The following DNAH11 variants were observed in gnomAD, a reference collection of about 807,000 sequenced individuals.
DNAH11 encodes the protein dynein axonemal heavy chain 11, also known as axonemal beta dynein heavy chain 11.
A neutral mutation model predicts 526.0 loss-of-function variants in DNAH11; 442 were observed. That is an observed-to-expected ratio of 0.84 (90% CI 0.78 to 0.91). The LOEUF (loss-of-function observed/expected upper bound fraction) is 0.91, where lower values mean the gene tolerates loss of function less well. DNAH11 is among the 40% of genes least tolerant of loss of function. DNAH11 has a pLI of 0.00. For synonymous variants in DNAH11, 2,461 were observed against 1,935.9 expected (o/e 1.27, Z -7.12); for missense variants, 6,989 against 5,448.7 (o/e 1.28, Z -8.90).
chr7:21,785,653 C>T (rs1040535715), intron 58 of DNAH11, among the ~76,000 whole-genome samples: 6 of 151,762 alleles, frequency 4.0e-5, no homozygotes, highest in Non-Finnish European at 8.8e-5. Flanking sequence ...AATAATTACT[C>T]TTTACTCAGG....
chr7:21,543,625 C>T (rs1179385330), intron 1 of DNAH11, 29 bp downstream of exon 1: 1 of 1,558,846 alleles, frequency 6.4e-7, no homozygotes, highest in South Asian at 1.2e-5. Context: ...GGGGACCTGC[C>T]CATCCAACAA....
chr7:21,591,429 C>A lies in DNAH11; in HGVS notation c.2519C>A (p.Thr840Asn), dbSNP rs533005902. ...TQKNVKVIQQTMRGWARCVLP... is the reference protein window; with the variant it reads ...TQKNVKVIQQNMRGWARCVLP... ...AAAAACGTGAAGGTGATCCAGCAGACCATGAGGGGCTGGGCCAGGTGCGTG... is the reference window on the plus strand; with the variant it reads ...AAAAACGTGAAGGTGATCCAGCAGAACATGAGGGGCTGGGCCAGGTGCGTG... The change falls in exon 14 of 82, where the codon ACC becomes AAC. Residue 840 changes from threonine (T) to asparagine (N), a missense_variant. Transcript: ENST00000409508. The A allele has an allele frequency of 5.8e-5, 94 of 1,613,890 alleles. No individual in the cohort carries two copies. The highest frequency in any genetic ancestry group is 7.6e-6 in the Non-Finnish European group (9 of 1,179,858).
chr7:21,765,807 A>G (rs1787159626), intron 55 of DNAH11, among the ~76,000 whole-genome samples: 1 of 152,194 alleles, frequency 6.6e-6, no homozygotes, highest in Admixed American at 6.5e-5. Flanking sequence ...CATACTGAGG[A>G]GGATGTGCAC....
Position 21,543,244 on chromosome 7 carries a change from C to G in DNAH11, c.-2C>G, listed in dbSNP as rs1583467560. The stretch of plus-strand genomic sequence containing the variant: ...CCTCGCGTTCCCTCGGACGGTTGCC[C>G]AATGGCAGCCCAGGTGGCAGCCCGG... On this transcript the variant is annotated 5_prime_UTR_variant, in exon 1 of 82. Transcript: ENST00000409508. 2 of 1,531,346 alleles carry G rather than the reference C, an allele frequency of 1.3e-6. No homozygotes were observed. The highest frequency in any genetic ancestry group is 4.9e-5 in the East Asian group (2 of 40,570). The allele number at this position is 1,531,346 out of a possible 1,614,324, so 94.9% of individuals were successfully genotyped here.
Position 21,715,309 on chromosome 7 carries a change from T to G in DNAH11, c.6984-2466T>G, listed in dbSNP as rs145856599. ...AGAAAGTTTAGAAACCACGCGGTTA[T>G]AGACTTCACTTGATAAACCTGGAAC... is the stretch of plus-strand genomic sequence containing the variant. On this transcript the variant is annotated intron_variant, in intron 42 of 81. Transcript: ENST00000409508. Among the ~76,000 whole-genome samples the G allele has an allele frequency of 4.3e-3, 649 of 152,358 alleles. 9 individuals are homozygous for G. Among genetic ancestry groups the G allele is most frequent in the African/African-American group, 0.015 (619 of 41,574 alleles).
At chr7:21,894,581 CTG>C (rs1348854017) in intron 77 of DNAH11, 40 bp from the exon 78 acceptor site, 2 of 1,594,570 alleles carry the variant, frequency 1.3e-6, no homozygotes. Context: ...ATGACGAAAA[CTG>C]AAATAGAAAG....
At chr7:21,865,903 T>A (rs572639329) in intron 70 of DNAH11, among the ~76,000 whole-genome samples, 1 of 152,330 alleles carries the variant, frequency 6.6e-6, no homozygotes, top group African/African-American at 2.4e-5. Flanking sequence ...ATAGGGTAAC[T>A]TCCTGACGTT....
At chr7:21,699,085 C>G (rs977520899) in intron 36 of DNAH11, among the ~76,000 whole-genome samples, 4 of 152,010 alleles carry the variant, frequency 2.6e-5, no homozygotes, top group African/African-American at 7.2e-5. Flanking sequence ...GCCTCCCTTT[C>G]TTCGTGAAAA....
chr7:21,794,025 C>T (rs1788597447), intron 61 of DNAH11, among the ~76,000 whole-genome samples: 2 of 152,290 alleles, frequency 1.3e-5, no homozygotes, highest in East Asian at 1.9e-4. Context: ...CTTTCTTCTG[C>T]TTTACTCATT....
intron 34 of DNAH11, among the ~76,000 whole-genome samples, chr7:21,687,838 T>G (rs1783448581): frequency 6.6e-6 from 1 of 152,162 alleles, no homozygotes; most frequent in Non-Finnish European, 1.5e-5. Context: ...GAGGATTGTT[T>G]GAGCCCAGAA....
rs752680252 is a variant in DNAH11 at position 21,635,973 on chromosome 7, A to T, written c.4603A>T (p.Thr1535Ser). The stretch of plus-strand genomic sequence containing the variant: ...AAACATAGCAGACTTGGTCATCTTC[A>T]CTTGGATGGAAGTCCAGCGAACTTG... Reference protein sequence around the residue: ...KLNIADLVIFTWMEVQRTWSH... With the variant: ...KLNIADLVIFSWMEVQRTWSH... The change falls in exon 26 of 82, where the codon ACT becomes TCT. Residue 1535 changes from threonine (T) to serine (S), a missense_variant. Coordinates refer to ENST00000409508, the MANE Select transcript of DNAH11 (RefSeq NM_001277115.2). 9 of 1,613,718 alleles carry T rather than the reference A, an allele frequency of 5.6e-6. No individual in the cohort carries two copies. Among genetic ancestry groups the T allele is most frequent in the Non-Finnish European group, 7.6e-6 (9 of 1,179,774 alleles).
intron 8 of DNAH11, among the ~76,000 whole-genome samples, chr7:21,577,535 A>G (rs1393091305): frequency 1.3e-5 from 2 of 152,172 alleles, no homozygotes; most frequent in South Asian, 2.1e-4. Flanking sequence ...AGTCCAGACT[A>G]TCACCCTGAG....
chr7:21,696,441 A>G (rs992930858), intron 35 of DNAH11, among the ~76,000 whole-genome samples: 5 of 152,200 alleles, frequency 3.3e-5, no homozygotes, highest in Non-Finnish European at 5.9e-5. Flanking sequence ...TTTCTCTAGC[A>G]TAATAATTTT....
chr7:21,744,654 G>C, intron 50 of DNAH11, 55 bp downstream of exon 50: 1 of 1,593,424 alleles, frequency 6.3e-7, no homozygotes, highest in Non-Finnish European at 8.5e-7. Flanking sequence ...CTGGGTATTG[G>C]GACTAAAGTT....
chr7:21,646,796 C>T (rs1583559812), intron 28 of DNAH11, among the ~76,000 whole-genome samples: 1 of 152,218 alleles, frequency 6.6e-6, no homozygotes, highest in East Asian at 1.9e-4. Context: ...CCAAACAAGT[C>T]TTAAATAGCA....
At chr7:21,900,900 A>ATGACAAAACCAGAATGTTGAATGTT in intron 81 of DNAH11, 107 bp from the exon 82 acceptor site, 1 of 1,474,688 alleles carries the variant, frequency 6.8e-7, no homozygotes, top group Non-Finnish European at 9.0e-7. Context: ...AAGCAAAAAT[A>ATGACAAAACCAGAATGTTGAATGTT]TGACAAAACC....
Position 21,873,192 on chromosome 7 carries a change from A to C in DNAH11, c.11968-82A>C, listed in dbSNP as rs959005335. The C allele has an allele frequency of 2.5e-6, 3 of 1,224,086 alleles. No homozygotes were observed. In the Admixed American group the frequency reaches 7.4e-5, roughly 30 times the overall value. 75.8% of individuals were successfully genotyped at this position (1,224,086 alleles called of 1,614,324 possible). A position where few individuals can be genotyped will look rare whatever the true frequency, so the allele number is the denominator to read the frequency against. On this transcript the variant is annotated intron_variant, in intron 73 of 81. Coordinates refer to ENST00000409508, the MANE Select transcript of DNAH11 (RefSeq NM_001277115.2). ...CATGGTTCTCTGAGTTTTCAGTGCA[A>C]TTATATATAGGAAAATGTAATCTTA...
intron 69 of DNAH11, among the ~76,000 whole-genome samples, chr7:21,863,689 C>G (rs1406388578): frequency 1.3e-5 from 2 of 152,190 alleles, no homozygotes; most frequent in African/African-American, 2.4e-5. Flanking sequence ...CTATTTAAAA[C>G]TTCCCCTTGG....
At chr7:21,894,320 A>G (rs1337114480) in intron 77 of DNAH11, among the ~76,000 whole-genome samples, 3 of 152,196 alleles carry the variant, frequency 2.0e-5, no homozygotes, top group African/African-American at 4.8e-5. Context: ...TGACAGTTCT[A>G]TACTCCCTAA....
Sources: allele counts gnomAD v4.1 joint callset (sites outside exome capture counted in the v4.1 genomes callset), GRCh38; gene constraint gnomAD v4.1.1; transcripts MANE v1.5; gene names NCBI Gene and HGNC (gene_info 2026-07-23, HGNC 2026-07-21).